Variants in STAC3 observed in about 807,000 individuals in gnomAD.
STAC3 encodes SH3 and cysteine rich domain 3.
A neutral mutation model predicts 48.5 loss-of-function variants in STAC3; 30 were observed. That is an observed-to-expected ratio of 0.62 (90% CI 0.46 to 0.84). STAC3 has a LOEUF of 0.84. Among genes scored for constraint, STAC3 ranks in the 40% least tolerant of loss-of-function variants. The pLI, the probability that STAC3 is intolerant of heterozygous loss-of-function variation, is 0.00. For missense variants in STAC3, 419 were observed against 462.6 expected (o/e 0.91, Z 0.86); for synonymous variants, 144 against 158.6 (o/e 0.91, Z 0.69).
chr12:57,247,955 G>C (rs554445123), intron 5 of STAC3, among the ~76,000 whole-genome samples, 171 bp downstream of exon 5: 1 of 152,212 alleles, frequency 6.6e-6, no homozygotes, highest in Admixed American at 6.5e-5. Context: ...TCCCTCTGCT[G>C]TAAAATGGGG....
chr12:57,244,011 T>C (rs2037669691), intron 11 of STAC3, 77 bp downstream of exon 11: 4 of 1,610,554 alleles, frequency 2.5e-6, no homozygotes, highest in Admixed American at 1.7e-5. Flanking sequence ...CTAGTCTTAT[T>C]AATGGTTAAG....
Position 57,244,613 on chromosome 12 carries a change from G to C in STAC3, c.730C>G (p.Pro244Ala), listed in dbSNP as rs1162017117. The change falls in exon 9 of 12, where the codon CCT (proline) becomes GCT (alanine). Residue 244 changes from proline to alanine, a missense_variant. Coordinates refer to ENST00000332782, the MANE Select transcript of STAC3 (RefSeq NM_145064.3). ...KKTPDDKHKQPGFQQSHYFVA... is the reference protein window; with the variant it reads ...KKTPDDKHKQAGFQQSHYFVA... ...AAGTAATGAGACTGCTGGAAGCCAG[G>C]CTGCTTGTGCTGGGGGTGCAAGGGA... is the stretch of plus-strand genomic sequence containing the variant. 4.3e-6 allele frequency: 7 copies of C among 1,614,218 alleles called. No homozygotes were observed. The highest frequency in any genetic ancestry group is 5.9e-6 in the Non-Finnish European group (7 of 1,180,042).
chr12:57,249,794 C>T, intron 1 of STAC3, 157 bp from the exon 2 acceptor site: 1 of 751,648 alleles, frequency 1.3e-6, no homozygotes, highest in Admixed American at 2.4e-5. Context: ...CTCACTCTGT[C>T]ACCCAGGCTG....
intron 8 of STAC3, 138 bp from the exon 9 acceptor site, chr12:57,244,760 G>A (rs1414483250): frequency 2.5e-5 from 35 of 1,381,792 alleles, no homozygotes; most frequent in Non-Finnish European, 3.6e-5. Context: ...AAGTGTTTTG[G>A]TCGTGGGTGG....
At chr12:57,250,818 C>G (rs1448730947) in intron 1 of STAC3, among the ~76,000 whole-genome samples, 175 bp downstream of exon 1, 3 of 145,860 alleles carry the variant, frequency 2.1e-5, no homozygotes, top group African/African-American at 7.5e-5. Flanking sequence ...TCACCCCACC[C>G]CCACCCCCAC....
chr12:57,246,966 A>G, intron 5 of STAC3, 65 bp from the exon 6 acceptor site: 2 of 1,514,142 alleles, frequency 1.3e-6, no homozygotes, highest in Non-Finnish European at 1.8e-6. Flanking sequence ...GAGGAAAGGA[A>G]GGGAGAGGTG....
intron 1 of STAC3, among the ~76,000 whole-genome samples, chr12:57,250,512 G>A (rs2037876628): frequency 6.6e-6 from 1 of 151,352 alleles, no homozygotes; most frequent in Admixed American, 6.6e-5. Context: ...CCCTTACACA[G>A]TGTTCAAAGC....
chr12:57,248,149 T>G lies in STAC3; in HGVS notation c.482A>C (p.Gln161Pro). The change falls in exon 5 of 12, where the codon CAG (glutamine) becomes CCG (proline). Residue 161 changes from glutamine (Q) to proline (P), a missense_variant. Physicochemically the swap from Gln to Pro is moderately conservative, Grantham distance 76 (BLOSUM62 -1). Coordinates refer to ENST00000332782, the MANE Select transcript of STAC3 (RefSeq NM_145064.3). ...ACAGAGATCTTTGACACAAGCGTAC[T>G]GCTGGTTGCTGTAGAGTGGGGAACT... ...AYSSPLYSNQ[Q>P]YACVKDLSAA... The G allele has an allele frequency of 6.2e-7, 1 of 1,614,118 alleles. No individual in the cohort carries two copies. The highest frequency in any genetic ancestry group is 8.5e-7 in the Non-Finnish European group (1 of 1,179,958).
rs747067000 is a variant in STAC3 at position 57,248,837 on chromosome 12, C to G, written c.335-34G>C. The G allele has an allele frequency of 5.7e-6, 9 of 1,582,440 alleles. No homozygotes were observed. In the East Asian group the frequency reaches 2.0e-4, roughly 35 times the overall value. Reference sequence around the variant, plus strand: ...AGGGGGAGAAAATTCAGATAAGGTTCCAGATTGCCCTTTCCCTTTGTACCA... The same window carrying G: ...AGGGGGAGAAAATTCAGATAAGGTTGCAGATTGCCCTTTCCCTTTGTACCA... On this transcript the variant is annotated intron_variant, in intron 3 of 11. Coordinates refer to ENST00000332782, the MANE Select transcript of STAC3 (RefSeq NM_145064.3).
Position 57,243,731 on chromosome 12 carries a change from G to T in STAC3, c.*81C>A. On this transcript the variant is annotated 3_prime_UTR_variant, in exon 12 of 12. Transcript: ENST00000332782. ...CCCCTCCTCTCCCAGCAGTCCCGTT[G>T]CTTTCGCCCCCCTCCCCAAACTCCA... is the stretch of plus-strand genomic sequence containing the variant. The T allele has an allele frequency of 7.5e-7, 1 of 1,331,824 alleles. No homozygotes were observed. Among genetic ancestry groups the T allele is most frequent in the Non-Finnish European group, 1.1e-6 (1 of 938,422 alleles). The allele number at this position is 1,331,824 out of a possible 1,614,324, so 82.5% of individuals were successfully genotyped here.
At position 57,248,116 on chromosome 12, in the gene STAC3, G is replaced by A. The variant is rs1426873430; in HGVS notation, c.505+10C>T. On this transcript the variant is annotated intron_variant, in intron 5 of 11. Transcript: ENST00000332782. Reference sequence around the variant, plus strand: ...TGCCCATTCCCTCATGTTCCATAAAGGGCACTTACAGAGATCTTTGACACA... The same window carrying A: ...TGCCCATTCCCTCATGTTCCATAAAAGGCACTTACAGAGATCTTTGACACA... 2 of 1,611,624 alleles carry A rather than the reference G, an allele frequency of 1.2e-6. No individual in the cohort carries two copies. The highest frequency in any genetic ancestry group is 8.5e-7 in the Non-Finnish European group (1 of 1,177,736).
At chr12:57,250,502 C>T (rs925381423) in intron 1 of STAC3, among the ~76,000 whole-genome samples, 2 of 152,006 alleles carry the variant, frequency 1.3e-5, no homozygotes, top group South Asian at 2.1e-4. Flanking sequence ...TAGTTTACAG[C>T]CCTTACACAG....
rs187407788 is a variant in STAC3 at position 57,246,889 on chromosome 12, C to T, written c.518G>A (p.Arg173His). Residue 173 changes from arginine (R) to histidine (H), a missense_variant, in exon 6 of 12, where the codon CGC becomes CAC. Physicochemically the swap from Arg to His is conservative, Grantham distance 29. Transcript: ENST00000332782. ...ACVKDLSAANRNDPVFETLRT... is the reference protein window; with the variant it reads ...ACVKDLSAANHNDPVFETLRT... ...CAGGGTTTCAAACACAGGATCATTG[C>T]GATTGGCAGCAGCTAATCGAATGGG... is the stretch of plus-strand genomic sequence containing the variant. 92 of 1,613,396 alleles carry T rather than the reference C, an allele frequency of 5.7e-5. 1 individual carries two copies. The East Asian group carries it at 9.1e-4, about 16-fold the overall frequency.
chr12:57,244,425 C>G (rs895993420), intron 9 of STAC3, 59 bp from the exon 10 acceptor site: 11 of 1,612,454 alleles, frequency 6.8e-6, no homozygotes, highest in Non-Finnish European at 9.3e-6. Context: ...TGCCCCGGGT[C>G]CAGCATCAAT....
rs1330465467 is a variant in STAC3 at position 57,244,636 on chromosome 12, G to A, written c.721-14C>T. On this transcript the variant is annotated splice_polypyrimidine_tract_variant and intron_variant, in intron 8 of 11. Transcript: ENST00000332782. ...AGGCTGCTTGTGCTGGGGGTGCAAGGGAATGATGAGTCTTAGGGCTCCTCT... is the reference window on the plus strand; with the variant it reads ...AGGCTGCTTGTGCTGGGGGTGCAAGAGAATGATGAGTCTTAGGGCTCCTCT... The A allele has an allele frequency of 6.2e-7, 1 of 1,614,092 alleles. No homozygotes were observed. The highest frequency in any genetic ancestry group is 1.7e-5 in the Admixed American group (1 of 60,030).
rs1427140626 is a variant in STAC3 at position 57,244,609 on chromosome 12, C to G, written c.734G>C (p.Gly245Ala). 1.2e-6 allele frequency: 2 copies of G among 1,614,090 alleles called. No individual in the cohort carries two copies. The highest frequency in any genetic ancestry group is 1.7e-6 in the Non-Finnish European group (2 of 1,180,042). The change falls in exon 9 of 12, where the codon GGC becomes GCC. Residue 245 changes from glycine (G) to alanine (A), a missense_variant. By Grantham distance (60) the Gly-to-Ala change is moderately conservative. Transcript: ENST00000332782. ...CACAAAGTAATGAGACTGCTGGAAG[C>G]CAGGCTGCTTGTGCTGGGGGTGCAA... ...KTPDDKHKQP[G>A]FQQSHYFVAL...
intron 6 of STAC3, among the ~76,000 whole-genome samples, chr12:57,246,529 C>T (rs1034875258): frequency 1.3e-5 from 2 of 151,986 alleles, no homozygotes; most frequent in African/African-American, 4.8e-5. Context: ...GCGAGCACCA[C>T]CACACCCGGA....
At chr12:57,246,561 T>C (rs765407442) in intron 6 of STAC3, among the ~76,000 whole-genome samples, 2 of 152,026 alleles carry the variant, frequency 1.3e-5, no homozygotes, top group Non-Finnish European at 2.9e-5. Flanking sequence ...TATTTTTGTA[T>C]TTTTAGTAGA....
chr12:57,245,446 A>T (rs2037716130), intron 6 of STAC3, among the ~76,000 whole-genome samples: 1 of 150,492 alleles, frequency 6.6e-6, no homozygotes, highest in African/African-American at 2.5e-5. Flanking sequence ...ATCTTGGCTC[A>T]GTGCCAGCTC....
Sources: gnomAD v4.1 joint callset for allele counts (sites outside exome capture counted in the v4.1 genomes callset) on GRCh38, gnomAD v4.1.1 for gene constraint, MANE v1.5 for transcripts, NCBI Gene and HGNC (gene_info 2026-07-23, HGNC 2026-07-21) for gene names.